RECQL: variants seen among roughly 807,000 people sequenced by gnomAD.
RECQL encodes ATP-dependent DNA helicase Q1.
Under a neutral mutation model 75.8 loss-of-function variants are expected in RECQL, and 73 were observed. The ratio of observed to expected loss-of-function variants is 0.96; its 90% CI spans 0.80 to 1.17. The LOEUF is 1.17. Among genes scored for constraint, RECQL ranks in the 50% most tolerant of loss-of-function variants. The pLI is 0.00. For missense variants in RECQL, 699 were observed against 772.1 expected (o/e 0.91, Z 1.12); for synonymous variants, 248 against 254.4 (o/e 0.97, Z 0.24).
At chr12:21,473,412 C>A in intron 12 of RECQL, 139 bp downstream of exon 12, 1 of 661,470 alleles carries the variant, frequency 1.5e-6, no homozygotes, top group Admixed American at 2.5e-5. Context: ...GGAGACTATA[C>A]CATCTAGGTT....
chr12:21,473,529 G>GTTTA, intron 12 of RECQL, 22 bp downstream of exon 12: 4 of 1,584,628 alleles, frequency 2.5e-6, no homozygotes, highest in Non-Finnish European at 3.5e-6. Flanking sequence ...GCCTATAAAG[G>GTTTA]TTTACAAAAC....
In RECQL at chr12:21,483,582, A is replaced by AAG; in HGVS notation, c.502-10_502-9dup. 5 of 1,559,466 alleles carry AAG rather than the reference A, an allele frequency of 3.2e-6. No homozygotes were observed. The highest frequency in any genetic ancestry group is 4.3e-6 in the Non-Finnish European group (5 of 1,160,976). ...AACCCATTTAACATGCTCCTATTAA[A>AAG]AGAAAAAAATAGACACAATGATAGT... On this transcript the variant is annotated splice_polypyrimidine_tract_variant and intron_variant, in intron 5 of 14. Coordinates refer to ENST00000444129, the MANE Select transcript of RECQL (RefSeq NM_002907.4).
chr12:21,480,518 AT>A (rs377127692), intron 6 of RECQL, among the ~76,000 whole-genome samples: 15 of 148,296 alleles, frequency 1.0e-4, no homozygotes, highest in East Asian at 3.9e-4. Flanking sequence ...TGTGTCATCC[AT>A]TTTTTTTTTG....
At position 21,474,872 on chromosome 12, in the gene RECQL, C is replaced by G. The variant is rs1212221553; in HGVS notation, c.1324G>C (p.Glu442Gln). The G allele has an allele frequency of 6.2e-7, 1 of 1,613,076 alleles. No individual in the cohort carries two copies. The highest frequency in any genetic ancestry group is 1.7e-5 in the Admixed American group (1 of 59,972). ...ATGTTTTGACAGTATGATACCATCTCATAAAGCTTCTGCTGTCCCACATTT... is the reference window on the plus strand; with the variant it reads ...ATGTTTTGACAGTATGATACCATCTGATAAAGCTTCTGCTGTCCCACATTT... ...MENVGQQKLY[E>Q]MVSYCQNISK... is the part of the protein sequence containing the mutation. Residue 442 changes from glutamate to glutamine, a missense_variant, in exon 11 of 15, where the codon GAG becomes CAG. By Grantham distance (29) the Glu-to-Gln change is conservative (BLOSUM62 2). Around this residue, in one of 2 missense-constraint regions of RECQL, gnomAD observed 669 missense variants for 713.5 expected, o/e 0.94. Transcript: ENST00000444129.
At chr12:21,479,763 G>GT (rs1457009830) in intron 6 of RECQL, among the ~76,000 whole-genome samples, 1 of 152,292 alleles carries the variant, frequency 6.6e-6, no homozygotes, top group Admixed American at 6.5e-5. Flanking sequence ...AAAGATGGCA[G>GT]TAACAGACCA....
chr12:21,487,502 C>T lies in RECQL; in HGVS notation c.395-917G>A, dbSNP rs191556387. Among the ~76,000 whole-genome samples, 11 of 152,250 alleles carry T rather than the reference C, an allele frequency of 7.2e-5. No homozygotes were observed. The East Asian group carries it at 1.7e-3, about 24-fold the overall frequency. ...ACAGTTAAAATTATATATGGCTTTACGTTTCTGTAGTTTGTTTCTTAAAAC... is the reference window on the plus strand; with the variant it reads ...ACAGTTAAAATTATATATGGCTTTATGTTTCTGTAGTTTGTTTCTTAAAAC... On this transcript the variant is annotated intron_variant, in intron 4 of 14. Coordinates refer to ENST00000444129, the MANE Select transcript of RECQL (RefSeq NM_002907.4).
chr12:21,496,592 T>C (rs535999779), intron 2 of RECQL, among the ~76,000 whole-genome samples: 13 of 152,320 alleles, frequency 8.5e-5, no homozygotes, highest in African/African-American at 1.7e-4. Flanking sequence ...GCAGCTACTA[T>C]AGACAAACTG....
intron 8 of RECQL, among the ~76,000 whole-genome samples, chr12:21,476,383 A>G (rs1207257898): frequency 6.6e-6 from 1 of 152,056 alleles, no homozygotes; most frequent in African/African-American, 2.4e-5. Context: ...AATCTATAGA[A>G]CAGTTTAAAA....
At chr12:21,471,336 C>T (rs2137314603) in intron 13 of RECQL, 92 bp downstream of exon 13, 1 of 1,219,632 alleles carries the variant, frequency 8.2e-7, no homozygotes, top group Non-Finnish European at 1.1e-6. Context: ...AAAGTTCACA[C>T]AAAATAACTG....
At chr12:21,480,152 A>C (rs1943165527) in intron 6 of RECQL, among the ~76,000 whole-genome samples, 2 of 152,218 alleles carry the variant, frequency 1.3e-5, no homozygotes, top group Admixed American at 1.3e-4. Flanking sequence ...GAAGAGTAGG[A>C]AATCAGGTAG....
Position 21,486,463 on chromosome 12 carries a change from AG to A in RECQL, c.501+15del. The A allele has an allele frequency of 1.9e-6, 3 of 1,545,038 alleles. No homozygotes were observed. The highest frequency in any genetic ancestry group is 2.6e-6 in the Non-Finnish European group (3 of 1,151,700). On this transcript the variant is annotated intron_variant, in intron 5 of 14. Transcript: ENST00000444129. ...GAATAGTTTACATTAAAAAAAAAAA[AG>A]CCACTGAAACATACCTTAGAACTAG...
rs17849407 is a variant in RECQL, at chr12:21,470,295, C to T, written c.1849G>A (p.Glu617Lys). 5.6e-6 allele frequency: 9 copies of T among 1,605,844 alleles called. No homozygotes were observed. Among genetic ancestry groups the T allele is most frequent in the Middle Eastern group, 1.7e-4 (1 of 6,022 alleles). Reference protein sequence around the residue: ...HSEQGDKKMEEKNSGNFQKKA... With the variant: ...HSEQGDKKMEKKNSGNFQKKA... Reference sequence around the variant, plus strand: ...TTCTGGAAGTTGCCTGAATTTTTTTCCTCCATCTTTTTATCACCTTGTTCA... The same window carrying T: ...TTCTGGAAGTTGCCTGAATTTTTTTTCTCCATCTTTTTATCACCTTGTTCA... The change falls in exon 15 of 15, where the codon GAA becomes AAA. Residue 617 changes from glutamate (E) to lysine (K), a missense_variant. Glu to Lys is a moderately conservative substitution (Grantham distance 56). Around this residue, in one of 2 missense-constraint regions of RECQL, gnomAD observed 30 missense variants for 58.6 expected, o/e 0.51. Coordinates refer to ENST00000444129, the MANE Select transcript of RECQL (RefSeq NM_002907.4).
intron 6 of RECQL, among the ~76,000 whole-genome samples, chr12:21,479,986 G>A (rs1426970930): frequency 6.6e-6 from 1 of 152,120 alleles, no homozygotes; most frequent in East Asian, 1.9e-4. Context: ...AGGCACTGAA[G>A]ATAAAGTGAT....
intron 6 of RECQL, among the ~76,000 whole-genome samples, chr12:21,478,378 T>C (rs952574081): frequency 2.0e-5 from 3 of 152,294 alleles, no homozygotes; most frequent in South Asian, 4.1e-4. Flanking sequence ...CATCACTAGA[T>C]AAATTGTCAC....
At chr12:21,477,044 G>A (rs1314526799) in intron 7 of RECQL, 52 bp from the exon 8 acceptor site, 4 of 1,279,710 alleles carry the variant, frequency 3.1e-6, no homozygotes, top group Non-Finnish European at 4.3e-6. Context: ...CCATCCAAGT[G>A]GCTGTCTATG....
At chr12:21,500,615 C>G (rs1243798904) in intron 1 of RECQL, among the ~76,000 whole-genome samples, 1 of 152,188 alleles carries the variant, frequency 6.6e-6, no homozygotes, top group African/African-American at 2.4e-5. Context: ...ATTTCTAATT[C>G]TTGATCTATA....
chr12:21,497,688 G>C (rs1169171636), intron 2 of RECQL, among the ~76,000 whole-genome samples: 1 of 152,198 alleles, frequency 6.6e-6, no homozygotes, highest in Non-Finnish European at 1.5e-5. Flanking sequence ...CTTCGACAAA[G>C]TATAATCATA....
At chr12:21,485,643 T>TCC (rs1443340204) in intron 5 of RECQL, among the ~76,000 whole-genome samples, 3 of 152,134 alleles carry the variant, frequency 2.0e-5, no homozygotes, top group African/African-American at 7.2e-5. Context: ...GCACAGCACT[T>TCC]TTCTTTAAAG....
chr12:21,484,825 T>C (rs965309542), intron 5 of RECQL, among the ~76,000 whole-genome samples: 5 of 151,876 alleles, frequency 3.3e-5, no homozygotes, highest in Non-Finnish European at 5.9e-5. Flanking sequence ...ATAGTGATAC[T>C]TGGGGAAAGA....
Sources: gnomAD v4.1 joint callset for allele counts (sites outside exome capture counted in the v4.1 genomes callset) on GRCh38, gnomAD v4.1.1 for gene constraint, gnomAD v4.1.1 regional missense constraint, MANE v1.5 for transcripts, NCBI Gene and HGNC (gene_info 2026-07-23, HGNC 2026-07-21) for gene names.